Variants in NEDD1 observed in about 807,000 individuals in gnomAD.
The protein encoded by NEDD1 is protein NEDD1.
A neutral mutation model predicts 74.0 loss-of-function variants in NEDD1; 33 were observed. The ratio of observed to expected loss-of-function variants is 0.45; its 90% CI spans 0.34 to 0.60. The LOEUF is 0.60. Ranked by LOEUF, NEDD1 falls within the 20% of genes least tolerant of loss-of-function variation. The pLI is 0.01. For missense variants in NEDD1, 746 were observed against 776.5 expected (o/e 0.96, Z 0.47); for synonymous variants, 250 against 264.4 (o/e 0.95, Z 0.53).
intron 4 of NEDD1, among the ~76,000 whole-genome samples, chr12:96,915,642 C>T (rs1874359570): frequency 6.6e-6 from 1 of 152,130 alleles, no homozygotes; most frequent in African/African-American, 2.4e-5. Flanking sequence ...AATGTGACTT[C>T]GTAGTGCATC....
chr12:96,933,705 ATTT>A (rs1386843924), intron 6 of NEDD1, among the ~76,000 whole-genome samples: 1 of 151,804 alleles, frequency 6.6e-6, no homozygotes, highest in Non-Finnish European at 1.5e-5. Flanking sequence ...TTTCCTAGAC[ATTT>A]TTTGTTGTTG....
chr12:96,912,663 T>C lies in NEDD1; in HGVS notation c.137-60T>C, dbSNP rs1057415001. 2.6e-5 allele frequency: 21 copies of C among 796,600 alleles called. No homozygotes were observed. In the East Asian group the frequency reaches 2.7e-4, roughly 10 times the overall value. 49.3% of individuals were successfully genotyped at this position (796,600 alleles called of 1,614,324 possible). ...TTAGCTTTTATAATCGCAATTCTTATAATAGTCTAGTGCTATAGATGTTCA... is the reference window on the plus strand; with the variant it reads ...TTAGCTTTTATAATCGCAATTCTTACAATAGTCTAGTGCTATAGATGTTCA... On this transcript the variant is annotated intron_variant, in intron 3 of 15. Coordinates refer to ENST00000266742, the MANE Select transcript of NEDD1 (RefSeq NM_152905.4).
chr12:96,924,172 G>T (rs1875435954), intron 6 of NEDD1, among the ~76,000 whole-genome samples: 1 of 152,152 alleles, frequency 6.6e-6, no homozygotes, highest in Non-Finnish European at 1.5e-5. Flanking sequence ...TGCAAAACTG[G>T]TAACTGTATA....
At chr12:96,927,574 A>G (rs1875852192) in intron 6 of NEDD1, among the ~76,000 whole-genome samples, 1 of 152,194 alleles carries the variant, frequency 6.6e-6, no homozygotes, top group East Asian at 1.9e-4. Flanking sequence ...AATCTATTGT[A>G]TTGATTCCTT....
intron 4 of NEDD1, among the ~76,000 whole-genome samples, chr12:96,914,427 T>C (rs1660168324): frequency 6.6e-6 from 1 of 152,220 alleles, no homozygotes; most frequent in Non-Finnish European, 1.5e-5. Context: ...CTTAGCCCTC[T>C]TTCCCATAGT....
At position 96,940,417 on chromosome 12, in the gene NEDD1, C is replaced by G; in HGVS notation, c.1126C>G (p.Arg376Gly). The G allele has an allele frequency of 6.3e-7, 1 of 1,586,018 alleles. No homozygotes were observed. The highest frequency in any genetic ancestry group is 8.6e-7 in the Non-Finnish European group (1 of 1,158,468). The change falls in exon 10 of 16, where the codon CGA becomes GGA. Residue 376 changes from arginine (R) to glycine (G), a missense_variant. Around this residue, in one of 3 missense-constraint regions of NEDD1, gnomAD observed 706 missense variants for 706.7 expected, o/e 1.00. Coordinates refer to ENST00000266742, the MANE Select transcript of NEDD1 (RefSeq NM_152905.4). ...TATCTAATTCCTATAAGGTTTGCCTCGAAGCATAAACACAGACACTTTATC... is the reference window on the plus strand; with the variant it reads ...TATCTAATTCCTATAAGGTTTGCCTGGAAGCATAAACACAGACACTTTATC... The part of the protein sequence containing the change: ...VAVQEKAGLP[R>G]SINTDTLSKE...
intron 9 of NEDD1, among the ~76,000 whole-genome samples, chr12:96,938,667 G>A (rs1877366285): frequency 6.6e-6 from 1 of 152,022 alleles, no homozygotes; most frequent in African/African-American, 2.4e-5. Context: ...CAATGTTTGT[G>A]TATTAATTGT....
At position 96,944,773 on chromosome 12, in the gene NEDD1, A is replaced by C; in HGVS notation, c.1632A>C (p.Pro544=). Residue 544 remains proline, a synonymous_variant, in exon 13 of 16, where the codon CCA becomes CCC. Coordinates refer to ENST00000266742, the MANE Select transcript of NEDD1 (RefSeq NM_152905.4). ...AAGCCCAGTTGATATGTGAACCCCC[A>C]ATCAATGGATCCTCAACTCCAAGTA... is the stretch of plus-strand genomic sequence containing the variant. ...EIEAQLICEP[P]INGSSTPNPK... is the part of the protein sequence containing the mutation. The C allele has an allele frequency of 6.4e-7, 1 of 1,567,638 alleles. No individual in the cohort carries two copies. The highest frequency in any genetic ancestry group is 8.6e-7 in the Non-Finnish European group (1 of 1,162,052).
intron 2 of NEDD1, among the ~76,000 whole-genome samples, chr12:96,909,295 C>G (rs969956519): frequency 3.3e-5 from 5 of 151,982 alleles, no homozygotes; most frequent in African/African-American, 7.3e-5. Flanking sequence ...CTGCGTTAGC[C>G]AGGGTGGTCA....
chr12:96,930,027 A>C (rs1168438292), intron 6 of NEDD1, among the ~76,000 whole-genome samples: 1 of 151,990 alleles, frequency 6.6e-6, no homozygotes, highest in Non-Finnish European at 1.5e-5. Flanking sequence ...TGAAGGACTT[A>C]TGGCTGTTAA....
chr12:96,936,641 T>A lies in NEDD1; in HGVS notation c.750T>A (p.Pro250=), dbSNP rs760539178. Reference sequence around the variant, plus strand: ...TGAAAACTTTAGTGGCTGACACTCCTCTAACTGCGGTAGATTTCATGCCTG... The same window carrying A: ...TGAAAACTTTAGTGGCTGACACTCCACTAACTGCGGTAGATTTCATGCCTG... ...KLVKTLVADT[P]LTAVDFMPDG... Residue 250 remains proline (P), a synonymous_variant, in exon 8 of 16, where the codon CCT becomes CCA. Coordinates refer to ENST00000266742, the MANE Select transcript of NEDD1 (RefSeq NM_152905.4). 3.7e-6 allele frequency: 6 copies of A among 1,613,712 alleles called. No homozygotes were observed. The highest frequency in any genetic ancestry group is 5.1e-6 in the Non-Finnish European group (6 of 1,179,780).
At chr12:96,910,861 C>G (rs1349850806) in intron 3 of NEDD1, among the ~76,000 whole-genome samples, 2 of 152,298 alleles carry the variant, frequency 1.3e-5, no homozygotes, top group Non-Finnish European at 2.9e-5. Flanking sequence ...TAACATTTAT[C>G]TGATTTTTAT....
At chr12:96,930,209 ACACTCTCT>A (rs1285337253) in intron 6 of NEDD1, among the ~76,000 whole-genome samples, 147 of 94,056 alleles carry the variant, frequency 1.6e-3, no homozygotes, top group African/African-American at 6.8e-3. Context: ...ACACACACAC[ACACTCTCT>A]CTCTCTCTCT....
At chr12:96,910,552 G>T (rs928330603) in intron 3 of NEDD1, among the ~76,000 whole-genome samples, 1 of 152,196 alleles carries the variant, frequency 6.6e-6, no homozygotes, top group Non-Finnish European at 1.5e-5. Flanking sequence ...AGTGAAGACT[G>T]TAAACTAGGG....
chr12:96,947,751 C>T (rs1185723725), intron 14 of NEDD1, among the ~76,000 whole-genome samples: 2 of 152,176 alleles, frequency 1.3e-5, no homozygotes, highest in Non-Finnish European at 2.9e-5. Flanking sequence ...ACTATCTAAC[C>T]TGTTCCTGGC....
At chr12:96,918,681 T>G (rs1020246421) in intron 5 of NEDD1, among the ~76,000 whole-genome samples, 10 of 152,206 alleles carry the variant, frequency 6.6e-5, no homozygotes, top group African/African-American at 2.4e-4. Flanking sequence ...TACAGTCGTC[T>G]CCCTGGTGAT....
At chr12:96,945,628 T>G (rs549805819) in intron 13 of NEDD1, 65 bp from the exon 14 acceptor site, 13 of 1,010,356 alleles carry the variant, frequency 1.3e-5, no homozygotes, top group Non-Finnish European at 1.8e-5. Flanking sequence ...CAAATCTTAT[T>G]TAGAAATGTT....
intron 10 of NEDD1, among the ~76,000 whole-genome samples, chr12:96,941,383 T>C (rs1417970744): frequency 1.3e-5 from 2 of 152,132 alleles, no homozygotes; most frequent in Non-Finnish European, 2.9e-5. Context: ...AAGGAATAAA[T>C]ACATACGTGG....
At chr12:96,922,280 G>C (rs926487422) in intron 6 of NEDD1, among the ~76,000 whole-genome samples, 5 of 143,874 alleles carry the variant, frequency 3.5e-5, no homozygotes, top group African/African-American at 1.3e-4. Context: ...TTGTTTTGGT[G>C]ATTTCTTTTT....
Sources: allele counts gnomAD v4.1 joint callset (sites outside exome capture counted in the v4.1 genomes callset), GRCh38; gene constraint gnomAD v4.1.1; regional missense constraint gnomAD v4.1.1; transcripts MANE v1.5; gene names NCBI Gene and HGNC (gene_info 2026-07-23, HGNC 2026-07-21).